Variants in LTBP2 observed in about 807,000 individuals in gnomAD.
The protein encoded by LTBP2 is latent transforming growth factor beta binding protein 2.
LTBP2 carries 103 observed loss-of-function variants against 210.6 expected under a neutral mutation model. The observed-to-expected ratio is 0.49, with a 90% confidence interval of 0.42 to 0.58. The LOEUF (loss-of-function observed/expected upper bound fraction) is 0.58. Among genes scored for constraint, LTBP2 ranks in the 20% least tolerant of loss-of-function variants. The pLI is 0.00. For synonymous variants in LTBP2, 1,007 were observed against 1,015.0 expected (o/e 0.99, Z 0.15); for missense variants, 2,313 against 2,494.5 (o/e 0.93, Z 1.55).
chr14:74,551,308 G>A lies in LTBP2; in HGVS notation c.1442C>T (p.Pro481Leu). The part of the protein sequence containing the change: ...PSLVKVHIHH[P>L]PEASVQIHQV... The stretch of plus-strand genomic sequence containing the variant: ...GTGGATCTGCACTGAGGCCTCGGGT[G>A]GGTGGTGAATGTGCACCTTCACCAG... Residue 481 changes from proline (P) to leucine (L), a missense_variant, in exon 7 of 36, where the codon CCA becomes CTA. Physicochemically the swap from Pro to Leu is moderately conservative, Grantham distance 98. This residue lies in a region of LTBP2 where 1,867 missense variants were observed against 1,976.9 expected (regional missense o/e 0.94). Coordinates refer to ENST00000261978, the MANE Select transcript of LTBP2 (RefSeq NM_000428.3). 1 of 1,595,272 alleles carries A rather than the reference G, an allele frequency of 6.3e-7. No individual in the cohort carries two copies.
rs746801503 is a variant in LTBP2, at chr14:74,611,547, G to A, written c.398C>T (p.Ala133Val). 1.0e-5 allele frequency: 16 copies of A among 1,570,534 alleles called. No homozygotes were observed. Among genetic ancestry groups the A allele is most frequent in the Non-Finnish European group, 1.4e-5 (16 of 1,165,532 alleles). ...AGCCGGCGCGGCCCGGGTCCGGGGT[G>A]CTGGTTGCTGCTGGCCCAGGGGAGT... is the stretch of plus-strand genomic sequence containing the variant. ...RSTPLGQQQP[A>V]PRTRAAPALP... Residue 133 changes from alanine to valine, a missense_variant, in exon 1 of 36, where the codon GCA becomes GTA. Transcript: ENST00000261978.
intron 2 of LTBP2, among the ~76,000 whole-genome samples, chr14:74,590,035 A>G (rs1306544441): frequency 3.3e-5 from 5 of 152,214 alleles, no homozygotes; most frequent in Non-Finnish European, 7.3e-5. Context: ...CAACAAATAT[A>G]TGAAAAAATG....
At chr14:74,531,911 T>TG (rs1406182410) in intron 10 of LTBP2, among the ~76,000 whole-genome samples, 1 of 152,176 alleles carries the variant, frequency 6.6e-6, no homozygotes, top group Non-Finnish European at 1.5e-5. Flanking sequence ...CTGGACACAA[T>TG]GCTAATGCCC....
In LTBP2 at chr14:74,611,409, G is replaced by A. The variant is rs753298564; in HGVS notation, c.494+42C>T. On this transcript the variant is annotated intron_variant, in intron 1 of 35. Coordinates refer to ENST00000261978, the MANE Select transcript of LTBP2 (RefSeq NM_000428.3). The stretch of plus-strand genomic sequence containing the variant: ...CACGCCCCTCCACAAATGAGCCCTG[G>A]CTCCCCTCTGTACCCTCCAAACTTC... The A allele has an allele frequency of 9.2e-6, 13 of 1,417,730 alleles. No individual in the cohort carries two copies. In the African/African-American group the frequency reaches 1.9e-4, roughly 21 times the overall value. The allele number at this position is 1,417,730 out of a possible 1,614,324, so 87.8% of individuals were successfully genotyped here.
chr14:74,592,501 T>C lies in LTBP2; in HGVS notation c.566-6383A>G, dbSNP rs1258763714. ...GGCAACAGACCAGGCCTTATACTTA[T>C]ATATTTTGTAGAGTGGGACCCCATC... is the stretch of plus-strand genomic sequence containing the variant. On this transcript the variant is annotated intron_variant, in intron 2 of 35. Coordinates refer to ENST00000261978, the MANE Select transcript of LTBP2 (RefSeq NM_000428.3). Among the ~76,000 whole-genome samples, 3 of 151,286 alleles carry C rather than the reference T, an allele frequency of 2.0e-5. No individual in the cohort carries two copies. In the East Asian group the frequency reaches 5.8e-4, roughly 29 times the overall value.
intron 6 of LTBP2, among the ~76,000 whole-genome samples, 184 bp downstream of exon 6, chr14:74,552,003 T>C (rs1008223940): frequency 1.3e-5 from 2 of 152,014 alleles, no homozygotes; most frequent in Non-Finnish European, 2.9e-5. Flanking sequence ...TAAATTCCGA[T>C]GGGAGGGGGC....
chr14:74,599,401 T>C (rs1276569462), intron 2 of LTBP2, among the ~76,000 whole-genome samples: 4 of 141,692 alleles, frequency 2.8e-5, no homozygotes, highest in African/African-American at 7.5e-5. Context: ...AGTATTCAAA[T>C]CCCCTTCCCC....
chr14:74,588,123 G>A (rs1444525511), intron 2 of LTBP2, among the ~76,000 whole-genome samples: 1 of 152,210 alleles, frequency 6.6e-6, no homozygotes, highest in Non-Finnish European at 1.5e-5. Context: ...CTCAGCAGCT[G>A]CTCCCTCCTT....
intron 2 of LTBP2, among the ~76,000 whole-genome samples, chr14:74,588,540 T>C (rs1056215803): frequency 2.6e-5 from 4 of 152,208 alleles, no homozygotes; most frequent in Non-Finnish European, 4.4e-5. Flanking sequence ...AGTTTTTTTA[T>C]GCATGTGTCT....
At chr14:74,568,030 A>C (rs1299937177) in intron 3 of LTBP2, among the ~76,000 whole-genome samples, 1 of 152,062 alleles carries the variant, frequency 6.6e-6, no homozygotes, top group African/African-American at 2.4e-5. Context: ...TGCCACCCAG[A>C]CTGGGGGGCA....
At position 74,511,161 on chromosome 14, in the gene LTBP2, AC is replaced by A; in HGVS notation, c.3028+83del. On this transcript the variant is annotated intron_variant, in intron 19 of 35. Coordinates refer to ENST00000261978, the MANE Select transcript of LTBP2 (RefSeq NM_000428.3). Reference sequence around the variant, plus strand: ...GCCTCCAAGCCACCTCCCTCTGCCCACCTCTTTCCCTTTCCGTGTGTGGGCT... The same window carrying A: ...GCCTCCAAGCCACCTCCCTCTGCCCACTCTTTCCCTTTCCGTGTGTGGGCT... The A allele has an allele frequency of 2.5e-6, 4 of 1,604,380 alleles. No individual in the cohort carries two copies. In the South Asian group the frequency reaches 4.4e-5, roughly 18 times the overall value.
At chr14:74,549,489 G>T (rs996004476) in intron 8 of LTBP2, among the ~76,000 whole-genome samples, 5 of 152,218 alleles carry the variant, frequency 3.3e-5, no homozygotes, top group Admixed American at 3.3e-4. Flanking sequence ...GGAGGCCTGG[G>T]GGCCCCATCA....
chr14:74,582,876 T>C (rs1209332248), intron 3 of LTBP2, among the ~76,000 whole-genome samples: 2 of 152,200 alleles, frequency 1.3e-5, no homozygotes, highest in Non-Finnish European at 2.9e-5. Context: ...ACCACTGCTT[T>C]CCAAAGCCTG....
chr14:74,596,013 A>G (rs954929108), intron 2 of LTBP2, among the ~76,000 whole-genome samples: 5 of 152,210 alleles, frequency 3.3e-5, no homozygotes, highest in African/African-American at 9.6e-5. Flanking sequence ...TCTGGCCAAC[A>G]TGATGAAACG....
rs201838800 is a variant in LTBP2 at position 74,527,339 on chromosome 14, G to A, written c.2388+8C>T. 52 of 1,610,970 alleles carry A rather than the reference G, an allele frequency of 3.2e-5. No homozygotes were observed. The highest frequency in any genetic ancestry group is 3.1e-4 in the African/African-American group (23 of 75,018). On this transcript the variant is annotated splice_region_variant and intron_variant, in intron 13 of 35. Coordinates refer to ENST00000261978, the MANE Select transcript of LTBP2 (RefSeq NM_000428.3). ...TTGCCCGGCCCCCTAGTGGGAGGAC[G>A]CACTCACCTGGCCAGCCTGAGAGTC... is the stretch of plus-strand genomic sequence containing the variant.
intron 8 of LTBP2, among the ~76,000 whole-genome samples, chr14:74,549,248 G>C (rs1372136658): frequency 6.6e-6 from 1 of 152,226 alleles, no homozygotes; most frequent in Non-Finnish European, 1.5e-5. Flanking sequence ...TCGTGAACAG[G>C]CATCTTGCTC....
chr14:74,596,678 G>A (rs890646809), intron 2 of LTBP2, among the ~76,000 whole-genome samples: 7 of 152,204 alleles, frequency 4.6e-5, no homozygotes, highest in African/African-American at 4.8e-5. Context: ...GCAGGTCCAC[G>A]AGGGACTGAG....
chr14:74,503,080 T>C (rs1318658184), intron 33 of LTBP2, 139 bp downstream of exon 33: 2 of 1,489,992 alleles, frequency 1.3e-6, no homozygotes, highest in African/African-American at 2.8e-5. Flanking sequence ...CCTGCCCTAC[T>C]TTGTCCCCAA....
intron 7 of LTBP2, 68 bp downstream of exon 7, chr14:74,550,996 G>A (rs1332526678): frequency 6.3e-7 from 1 of 1,578,636 alleles, no homozygotes; most frequent in Non-Finnish European, 8.7e-7. Context: ...GAGAGGAGGA[G>A]AAGGGCAGAC....
Sources: gnomAD v4.1 joint callset for allele counts (sites outside exome capture counted in the v4.1 genomes callset) on GRCh38, gnomAD v4.1.1 for gene constraint, gnomAD v4.1.1 regional missense constraint, MANE v1.5 for transcripts, NCBI Gene and HGNC (gene_info 2026-07-23, HGNC 2026-07-21) for gene names.